The following FSTL4 variants were observed in gnomAD, a reference collection of about 807,000 sequenced individuals.
The protein encoded by FSTL4 is follistatin-related protein 4.
A neutral mutation model predicts 78.2 loss-of-function variants in FSTL4; 28 were observed. That is an observed-to-expected ratio of 0.36 (90% CI 0.27 to 0.49). FSTL4 has a LOEUF of 0.49. FSTL4 is among the 20% of genes least tolerant of loss of function. The probability of loss-of-function intolerance (pLI) is 0.98; values close to 1 mark genes in which losing one functional copy is unlikely to be tolerated. For missense variants in FSTL4, 922 were observed against 1,084.9 expected, an observed-to-expected ratio of 0.85 and a Z score of 2.11; for synonymous variants, 422 against 440.5, an observed-to-expected ratio of 0.96 and a Z score of 0.53.
chr5:133,310,680 A>T (rs149168294), intron 6 of FSTL4, among the ~76,000 whole-genome samples: 6 of 152,298 alleles, frequency 3.9e-5, no homozygotes, highest in African/African-American at 1.4e-4. Flanking sequence ...ATGCCCCACA[A>T]ATCCCTGAAG....
the FSTL4 span, among the ~76,000 whole-genome samples, chr5:133,680,021 A>C: frequency 6.6e-6 from 1 of 152,206 alleles, no homozygotes; most frequent in African/African-American, 2.4e-5. Flanking sequence ...GAGAGGAGCT[A>C]GGATGTCAGA....
At position 133,210,219 on chromosome 5, in the gene FSTL4, TC is replaced by T; in HGVS notation, c.1687del (p.Asp563ThrfsTer11). The part of the protein sequence containing the change: ...HDQVWVLSWG[D>X]VHKSRPSLQV... ...GAGACTTGGTCGGGACTTGTGCACGTCCCCCCAGCTCAGGACCCACACTTGG... is the reference window on the plus strand; with the variant it reads ...GAGACTTGGTCGGGACTTGTGCACGTCCCCCAGCTCAGGACCCACACTTGG... On this transcript the variant is annotated frameshift_variant, in exon 14 of 16. Transcript: ENST00000265342. LOFTEE classifies it high-confidence loss of function. 3 of 1,609,424 alleles carry T rather than the reference TC, an allele frequency of 1.9e-6. No individual in the cohort carries two copies. The highest frequency in any genetic ancestry group is 2.6e-6 in the Non-Finnish European group (3 of 1,176,012).
chr5:133,613,527 G>A (rs1761148451), upstream of FSTL4, among the ~76,000 whole-genome samples: 2 of 152,238 alleles, frequency 1.3e-5, no homozygotes, highest in Admixed American at 1.3e-4. Context: ...AATAATGGAA[G>A]GCTGACCTGA....
intron 3 of FSTL4, among the ~76,000 whole-genome samples, chr5:133,413,965 G>A (rs1296328643): frequency 5.3e-5 from 8 of 151,636 alleles, no homozygotes; most frequent in Non-Finnish European, 1.0e-4. Context: ...TTTATATTCG[G>A]TATCATTTTG....
chr5:133,827,747 G>A, the FSTL4 span, among the ~76,000 whole-genome samples: 1 of 151,556 alleles, frequency 6.6e-6, no homozygotes, highest in East Asian at 2.0e-4. Context: ...CACAAGGCTG[G>A]TCACACACCT....
At position 133,196,714 on chromosome 5, in the gene FSTL4, AGTCTGGCC is replaced by A. The variant is rs1750157391; in HGVS notation, c.*2373_*2380del. On this transcript the variant is annotated 3_prime_UTR_variant, in exon 16 of 16. Transcript: ENST00000265342. ...TGAAGTATGGGAGAAAGGGCAGGCC[AGTCTGGCC>A]TTCCTCCTCTTCCTCCTTCTCCTCC... 1 of 152,280 alleles carries A rather than the reference AGTCTGGCC, an allele frequency of 6.6e-6. No homozygotes were observed. The highest frequency in any genetic ancestry group is 2.4e-5 in the African/African-American group (1 of 41,462). 9.4% of individuals were successfully genotyped at this position (152,280 alleles called of 1,614,324 possible). A position where few individuals can be genotyped will look rare whatever the true frequency, so the allele number is the denominator to read the frequency against.
At chr5:133,650,177 G>C in the FSTL4 span, among the ~76,000 whole-genome samples, 2 of 151,338 alleles carry the variant, frequency 1.3e-5, no homozygotes, top group Non-Finnish European at 2.9e-5. Context: ...CCCAAGAGAG[G>C]GCATTAATCT....
chr5:133,536,213 G>T (rs1167376205), intron 3 of FSTL4, among the ~76,000 whole-genome samples: 2 of 152,116 alleles, frequency 1.3e-5, no homozygotes, highest in African/African-American at 4.8e-5. Flanking sequence ...AATAACGAAG[G>T]AAAGAAAAAT....
chr5:133,432,924 G>A lies in FSTL4; in HGVS notation c.161-31938C>T, dbSNP rs535473026. 6.6e-5 allele frequency among the ~76,000 whole-genome samples: 10 copies of A among 152,312 alleles called. No homozygotes were observed. In the East Asian group the frequency reaches 1.7e-3, roughly 26 times the overall value. On this transcript the variant is annotated intron_variant, in intron 3 of 15. Transcript: ENST00000265342. ...CTGGCAATTTTTCATATGCTTCTGT[G>A]CCTTGCTATGTGTGGCATGGCCCAG...
At chr5:133,556,680 G>T (rs978160761) in intron 3 of FSTL4, among the ~76,000 whole-genome samples, 1 of 152,050 alleles carries the variant, frequency 6.6e-6, no homozygotes, top group African/African-American at 2.4e-5. Flanking sequence ...AAAGTTCAGG[G>T]CTCCTGAACA....
At chr5:133,528,840 T>C (rs1489847740) in intron 3 of FSTL4, among the ~76,000 whole-genome samples, 4 of 152,358 alleles carry the variant, frequency 2.6e-5, no homozygotes, top group Admixed American at 6.5e-5. Context: ...CAAATTGAGA[T>C]GTCTAGTAAA....
chr5:133,798,246 AT>A, the FSTL4 span, among the ~76,000 whole-genome samples: 1 of 152,170 alleles, frequency 6.6e-6, no homozygotes, highest in South Asian at 2.1e-4. Flanking sequence ...TAAATCATAC[AT>A]TTTGAGTTTC....
the FSTL4 span, among the ~76,000 whole-genome samples, chr5:133,731,163 G>A: frequency 5.3e-5 from 8 of 152,230 alleles, no homozygotes; most frequent in East Asian, 7.7e-4. Flanking sequence ...TATCGGGGCC[G>A]ACACTGGAAA....
the FSTL4 span, among the ~76,000 whole-genome samples, chr5:133,641,510 A>C: frequency 2.6e-5 from 4 of 152,080 alleles, no homozygotes; most frequent in Non-Finnish European, 4.4e-5. Context: ...TAAATATGTT[A>C]GATTTCAAAT....
At chr5:133,670,832 A>G in the FSTL4 span, among the ~76,000 whole-genome samples, 1 of 152,188 alleles carries the variant, frequency 6.6e-6, no homozygotes, top group African/African-American at 2.4e-5. Flanking sequence ...AAGGATGTGA[A>G]TAATTTTGAT....
chr5:133,738,810 C>T, the FSTL4 span, among the ~76,000 whole-genome samples: 1 of 152,114 alleles, frequency 6.6e-6, no homozygotes, highest in African/African-American at 2.4e-5. Context: ...GTCAGGGATG[C>T]CATTCTGGGC....
chr5:133,578,248 G>C (rs1314125229), intron 2 of FSTL4, among the ~76,000 whole-genome samples: 1 of 152,252 alleles, frequency 6.6e-6, no homozygotes, highest in African/African-American at 2.4e-5. Flanking sequence ...GGGCAGACCT[G>C]GGAATACCAA....
At chr5:133,827,246 C>G in the FSTL4 span, among the ~76,000 whole-genome samples, 3 of 152,156 alleles carry the variant, frequency 2.0e-5, no homozygotes, top group Non-Finnish European at 4.4e-5. Context: ...AATTACTAAG[C>G]CAACTAAGTG....
chr5:133,402,058 G>T (rs1289778324), intron 3 of FSTL4, among the ~76,000 whole-genome samples: 1 of 152,122 alleles, frequency 6.6e-6, no homozygotes, highest in Non-Finnish European at 1.5e-5. Context: ...TTCCTTGGGG[G>T]AGAATGTGGT....
Sources: allele counts gnomAD v4.1 joint callset (sites outside exome capture counted in the v4.1 genomes callset), GRCh38; gene constraint gnomAD v4.1.1; transcripts MANE v1.5; gene names NCBI Gene and HGNC (gene_info 2026-07-23, HGNC 2026-07-21).